The following GALNT2 variants were observed in gnomAD, a reference collection of about 807,000 sequenced individuals.
The protein encoded by GALNT2 is polypeptide N-acetylgalactosaminyltransferase 2.
Under a neutral mutation model 81.4 loss-of-function variants are expected in GALNT2, and 31 were observed. The ratio of observed to expected loss-of-function variants is 0.38; its 90% confidence interval spans 0.29 to 0.51. The LOEUF (loss-of-function observed/expected upper bound fraction) is 0.51. Among genes scored for constraint, GALNT2 ranks in the 20% least tolerant of loss-of-function variants. The probability of loss-of-function intolerance (pLI) is 0.87; values close to 1 mark genes in which losing one functional copy is unlikely to be tolerated. For synonymous variants in GALNT2, 303 were observed against 287.4 expected, an observed-to-expected ratio of 1.05 and a Z score of -0.55; for missense variants, 629 against 765.7, an observed-to-expected ratio of 0.82 and a Z score of 2.11.
At chr1:230,156,356 G>A (rs1262936759) in intron 1 of GALNT2, among the ~76,000 whole-genome samples, 2 of 152,098 alleles carry the variant, frequency 1.3e-5, no homozygotes, top group East Asian at 1.9e-4. Flanking sequence ...GAAGTTCACC[G>A]TGTCATTTTA....
chr1:230,092,180 T>TTTTTTGTTTTTTTG (rs1463456206), intron 1 of GALNT2: 6 of 109,118 alleles, frequency 5.5e-5, no homozygotes, highest in African/African-American at 2.0e-4. Context: ...CCTTTAGTTT[T>TTTTTTGTTTTTTTG]TTTTTTTTTT....
intron 8 of GALNT2, 144 bp from the exon 9 acceptor site, chr1:230,249,040 C>T (rs1665460671): frequency 1.3e-6 from 1 of 763,782 alleles, no homozygotes. Flanking sequence ...CTTCTCTCTC[C>T]TCCACACCTT....
At chr1:230,239,464 A>G (rs140287536) in intron 6 of GALNT2, among the ~76,000 whole-genome samples, 24 of 152,340 alleles carry the variant, frequency 1.6e-4, no homozygotes, top group Admixed American at 1.0e-3. Flanking sequence ...TGAATGTCCA[A>G]TAGTCCCAAA....
At chr1:230,239,005 C>G (rs1325426884) in intron 6 of GALNT2, among the ~76,000 whole-genome samples, 1 of 152,122 alleles carries the variant, frequency 6.6e-6, no homozygotes, top group Non-Finnish European at 1.5e-5. Context: ...CTAATTCAAT[C>G]TCTTTAATGG....
At chr1:230,187,860 GATTCTCTCC>G (rs1409694022) in intron 2 of GALNT2, among the ~76,000 whole-genome samples, 21 of 147,678 alleles carry the variant, frequency 1.4e-4, no homozygotes, top group African/African-American at 4.2e-4. Context: ...AAATCAAGCT[GATTCTCTCC>G]AACATCCGGC....
chr1:230,262,739 C>T (rs1665917120), intron 12 of GALNT2, 74 bp downstream of exon 12: 2 of 1,452,490 alleles, frequency 1.4e-6, no homozygotes, highest in South Asian at 1.2e-5. Flanking sequence ...AGGGGCTGCC[C>T]CCAGCGTTGA....
rs539488457 is a variant in GALNT2, at chr1:230,164,511, C to T, written c.127-13707C>T. 7.5e-4 allele frequency among the ~76,000 whole-genome samples: 32 copies of T among 42,612 alleles called. No homozygotes were observed. In the South Asian group the frequency reaches 0.022, roughly 29 times the overall value. 28.0% of individuals were successfully genotyped at this position (42,612 alleles called of 152,430 possible). A position where few individuals can be genotyped will look rare whatever the true frequency, so the allele number is the denominator to read the frequency against. On this transcript the variant is annotated intron_variant, in intron 1 of 15. Transcript: ENST00000366672. Reference sequence around the variant, plus strand: ...CCGATCATGTGATCTCTTTCTTGCCCAGGACAGCACGGTCTCTGGGCCCTT... The same window carrying T: ...CCGATCATGTGATCTCTTTCTTGCCTAGGACAGCACGGTCTCTGGGCCCTT...
intron 2 of GALNT2, among the ~76,000 whole-genome samples, chr1:230,194,972 G>A (rs1028065129): frequency 6.6e-6 from 1 of 152,228 alleles, no homozygotes; most frequent in African/African-American, 2.4e-5. Flanking sequence ...GAGAAGAAGT[G>A]GAGCCTGCCC....
rs1046179364 is a variant in GALNT2 at position 230,225,116 on chromosome 1, G to A, written c.375-10898G>A. On this transcript the variant is annotated intron_variant, in intron 3 of 15. Transcript: ENST00000366672. ...ATAGAAATAAACTCTGTAGCTATTA[G>A]GACTAATCAGAAATTAGTGGATTTG... Among the ~76,000 whole-genome samples, 6 of 152,236 alleles carry A rather than the reference G, an allele frequency of 3.9e-5. No individual in the cohort carries two copies. The East Asian group carries it at 5.8e-4, about 15-fold the overall frequency.
chr1:230,148,447 CCCTCGTTTAACACAAGTGCTCTCTGT>C (rs935001419), intron 1 of GALNT2, among the ~76,000 whole-genome samples: 9 of 152,358 alleles, frequency 5.9e-5, no homozygotes, highest in African/African-American at 1.7e-4. Context: ...CCCTGGAAAG[CCCTCGTTTAACACAAGTGCTCTCTGT>C]CCTTGCTGCA....
chr1:230,145,848 G>A (rs1421094355), intron 1 of GALNT2, among the ~76,000 whole-genome samples: 1 of 152,206 alleles, frequency 6.6e-6, no homozygotes. Context: ...GAAATGAGAG[G>A]TAGCATTTCG....
intron 1 of GALNT2, among the ~76,000 whole-genome samples, chr1:230,158,034 G>T (rs1024765383): frequency 2.6e-5 from 4 of 152,208 alleles, no homozygotes; most frequent in Non-Finnish European, 5.9e-5. Flanking sequence ...AAGTGAGAAG[G>T]ATCTTGTTGT....
At chr1:230,179,107 T>G (rs1663078594) in intron 2 of GALNT2, among the ~76,000 whole-genome samples, 2 of 150,662 alleles carry the variant, frequency 1.3e-5, no homozygotes, top group African/African-American at 4.9e-5. Context: ...TAATATATAT[T>G]TAAGGTTCCT....
chr1:230,210,170 G>A (rs757759007), intron 3 of GALNT2, among the ~76,000 whole-genome samples: 1 of 152,158 alleles, frequency 6.6e-6, no homozygotes, highest in Non-Finnish European at 1.5e-5. Flanking sequence ...AAATGCATCT[G>A]ATAAGAAAAT....
At chr1:230,213,550 A>G (rs535809045) in intron 3 of GALNT2, among the ~76,000 whole-genome samples, 17 of 152,286 alleles carry the variant, frequency 1.1e-4, no homozygotes, top group African/African-American at 3.1e-4. Flanking sequence ...TAAGTAGCCT[A>G]TAGTTGGATT....
chr1:230,269,975 G>A (rs1255911099), intron 14 of GALNT2, among the ~76,000 whole-genome samples: 3 of 152,154 alleles, frequency 2.0e-5, no homozygotes, highest in African/African-American at 4.8e-5. Flanking sequence ...GCTGAGGTGG[G>A]TGAATCACGA....
chr1:230,236,874 C>T (rs1665050040), intron 6 of GALNT2, 149 bp downstream of exon 6: 2 of 637,836 alleles, frequency 3.1e-6, no homozygotes, highest in African/African-American at 1.8e-5. Flanking sequence ...CTTCTCCCAG[C>T]AAACACAGGA....
intron 1 of GALNT2, among the ~76,000 whole-genome samples, chr1:230,167,676 C>A (rs572599981): frequency 6.6e-6 from 1 of 152,166 alleles, no homozygotes; most frequent in African/African-American, 2.4e-5. Flanking sequence ...AGGGAACTGC[C>A]GAGCGTGGAG....
chr1:230,246,316 A>AG (rs1210429916), intron 8 of GALNT2, among the ~76,000 whole-genome samples, 166 bp downstream of exon 8: 1 of 152,122 alleles, frequency 6.6e-6, no homozygotes, highest in Non-Finnish European at 1.5e-5. Flanking sequence ...CTTCATAAAG[A>AG]GAAAAAAAAA....
Sources: allele counts gnomAD v4.1 joint callset (sites outside exome capture counted in the v4.1 genomes callset), GRCh38; gene constraint gnomAD v4.1.1; transcripts MANE v1.5; gene names NCBI Gene and HGNC (gene_info 2026-07-23, HGNC 2026-07-21).